The following PDHA1 variants were observed in gnomAD, a reference collection of about 807,000 sequenced individuals.
PDHA1 encodes the protein pyruvate dehydrogenase E1 subunit alpha 1.
A neutral mutation model predicts 33.0 loss-of-function variants in PDHA1; 1 was observed. The observed-to-expected ratio is 0.03, with a 90% confidence interval of 0.01 to 0.14. PDHA1 has a LOEUF of 0.14. Among genes scored for constraint, PDHA1 ranks in the 10% least tolerant of loss-of-function variants. The pLI is 1.00. For missense variants in PDHA1, 168 were observed against 325.1 expected (o/e 0.52, Z 3.72); for synonymous variants, 123 against 119.2 (o/e 1.03, Z -0.21).
intron 1 of PDHA1, among the ~76,000 whole-genome samples, 171 bp downstream of exon 1, chrX:19,344,265 C>T (rs1404121186): frequency 8.9e-6 from 1 of 112,758 alleles, no homozygotes; most frequent in African/African-American, 3.2e-5. Flanking sequence ...TCGGGAGAAG[C>T]GGCACGGACC....
In PDHA1 at chrX:19,355,701, A is replaced by G. The variant is rs1450663466; in HGVS notation, c.775A>G (p.Ile259Val). The change falls in exon 8 of 11, where the codon ATC becomes GTC. Residue 259 changes from isoleucine to valine, a missense_variant. By Grantham distance (29) the Ile-to-Val change is conservative (BLOSUM62 3). Transcript: ENST00000422285. ...TTATTACCAGGTGGATGGAATGGAT[A>G]TCCTGTGCGTCCGAGAGGCAACAAG... The part of the protein sequence containing the change: ...IPGLRVDGMD[I>V]LCVREATRFA... 8.3e-7 allele frequency: 1 copy of G among 1,208,834 alleles called. No individual in the cohort carries two copies. Among genetic ancestry groups the G allele is most frequent in the East Asian group, 3.0e-5 (1 of 33,846 alleles).
intron 8 of PDHA1, among the ~76,000 whole-genome samples, chrX:19,356,940 G>T (rs760190399): frequency 1.8e-5 from 2 of 111,806 alleles, no homozygotes; most frequent in African/African-American, 6.5e-5. Context: ...GAATGAGCGA[G>T]CCCAACTGTC....
chrX:19,353,420 T>A, intron 5 of PDHA1: 2 of 419,050 alleles, frequency 4.8e-6, no homozygotes, highest in Non-Finnish European at 8.4e-6. Flanking sequence ...TACACAAATA[T>A]TTTGCCTACA....
chrX:19,359,266 C>G (rs771904499), intron 10 of PDHA1, among the ~76,000 whole-genome samples: 6 of 111,759 alleles, frequency 5.4e-5, no homozygotes, highest in South Asian at 3.8e-4. Context: ...AGTGGCAAAG[C>G]CCCCACAGTA....
Position 19,359,912 on chromosome X carries a change from C to CA in PDHA1, c.*261dup. 7.9e-6 allele frequency: 3 copies of CA among 377,597 alleles called. No individual in the cohort carries two copies. The highest frequency in any genetic ancestry group is 7.8e-4 in the Middle Eastern group (1 of 1,290). The allele number at this position is 377,597 out of a possible 1,213,427, so 31.1% of individuals were successfully genotyped here. On this transcript the variant is annotated 3_prime_UTR_variant, in exon 11 of 11. Transcript: ENST00000422285. ...ATACTCTAATTATGAAAAGGAAGAA[C>CA]AATTCCTTGTATGCCTGTTTCCCCT...
intron 2 of PDHA1, among the ~76,000 whole-genome samples, chrX:19,349,627 A>G (rs2063153186): frequency 8.9e-6 from 1 of 112,219 alleles, no homozygotes; most frequent in African/African-American, 3.2e-5. Flanking sequence ...TTGGAATGTA[A>G]TTCAGTGAAA....
chrX:19,358,867 C>CTACTGGAACTGCTCT (rs1569193364), intron 9 of PDHA1, 49 bp from the exon 10 acceptor site: 1 of 709,879 alleles, frequency 1.4e-6, no homozygotes, highest in Non-Finnish European at 2.3e-6. Flanking sequence ...CGTCCTTGCT[C>CTACTGGAACTGCTCT]TACTGGAACT....
In PDHA1 at chrX:19,361,066, G is replaced by A; in HGVS notation, c.*1413G>A. The A allele has an allele frequency of 2.4e-6, 1 of 418,979 alleles. No homozygotes were observed. The highest frequency in any genetic ancestry group is 4.0e-5 in the South Asian group (1 of 25,277). 34.5% of individuals were successfully genotyped at this position (418,979 alleles called of 1,213,427 possible). On this transcript the variant is annotated 3_prime_UTR_variant, in exon 11 of 11. Transcript: ENST00000422285. ...GGCAGGCTGCAGTTTAAAGAAGGGG[G>A]TGGGTCCAGCGTGCAGGCACGCTTG...
At chrX:19,346,964 C>CT (rs200125144) in intron 1 of PDHA1, among the ~76,000 whole-genome samples, 1,111 of 110,431 alleles carry the variant, frequency 0.01, 16 homozygotes, top group African/African-American at 0.035. Flanking sequence ...TAAAGTTTTA[C>CT]TTTTTTTTAA....
Position 19,360,605 on chromosome X carries a change from A to G in PDHA1, c.*952A>G, listed in dbSNP as rs2063271339. ...GGTTTCAAAAGAAACTCAGGACAGT[A>G]TTTAAAACAAGTTCTTAAACTATTA... On this transcript the variant is annotated 3_prime_UTR_variant, in exon 11 of 11. Transcript: ENST00000422285. The G allele has an allele frequency of 2.1e-6, 1 of 468,694 alleles. No homozygotes were observed. Among genetic ancestry groups the G allele is most frequent in the Non-Finnish European group, 3.7e-6 (1 of 273,164 alleles). 38.6% of individuals were successfully genotyped at this position (468,694 alleles called of 1,213,427 possible). A position where few individuals can be genotyped will look rare whatever the true frequency, so the allele number is the denominator to read the frequency against.
In PDHA1 at chrX:19,359,813, C is replaced by T. The variant is rs1355585698; in HGVS notation, c.*160C>T. 3 of 505,335 alleles carry T rather than the reference C, an allele frequency of 5.9e-6. No homozygotes were observed. Among genetic ancestry groups the T allele is most frequent in the Non-Finnish European group, 1.0e-5 (3 of 286,309 alleles). The allele number at this position is 505,335 out of a possible 1,213,427, so 41.6% of individuals were successfully genotyped here. ...AGGTAGTAATTGCATGCAGTTTGTA[C>T]ATTAGTGCATTAAAAGATGAATTAT... On this transcript the variant is annotated 3_prime_UTR_variant, in exon 11 of 11. Transcript: ENST00000422285.
chrX:19,361,295 T>G lies in PDHA1; in HGVS notation c.*1642T>G. On this transcript the variant is annotated 3_prime_UTR_variant, in exon 11 of 11. Coordinates refer to ENST00000422285, the MANE Select transcript of PDHA1 (RefSeq NM_000284.4). ...TCTGCTCTTGAAGCATATTCACACA[T>G]AAAAAGTTGTATTCTCTTATACAAA... 1 of 1,057,504 alleles carries G rather than the reference T, an allele frequency of 9.5e-7. No individual in the cohort carries two copies. Among genetic ancestry groups the G allele is most frequent in the African/African-American group, 1.8e-5 (1 of 54,506 alleles). 87.2% of individuals were successfully genotyped at this position (1,057,504 alleles called of 1,213,427 possible). A position where few individuals can be genotyped will look rare whatever the true frequency, so the allele number is the denominator to read the frequency against.
intron 1 of PDHA1, 145 bp downstream of exon 1, chrX:19,344,239 C>T: frequency 2.0e-6 from 1 of 496,331 alleles, no homozygotes; most frequent in Non-Finnish European, 3.4e-6. Flanking sequence ...CCGCGCCCTG[C>T]ATTCCGTTCC....
chrX:19,354,377 G>C (rs1314965334), intron 5 of PDHA1, 114 bp from the exon 6 acceptor site: 1 of 551,722 alleles, frequency 1.8e-6, no homozygotes, highest in Non-Finnish European at 3.3e-6. Context: ...AGAGTTTGTA[G>C]CAGCAGTGTA....
At position 19,361,564 on chromosome X, in the gene PDHA1, C is replaced by T. The variant is rs368526609; in HGVS notation, c.*1911C>T. 8.3e-6 allele frequency: 10 copies of T among 1,210,161 alleles called. No homozygotes were observed. Among genetic ancestry groups the T allele is most frequent in the East Asian group, 3.0e-5 (1 of 33,841 alleles). ...ATAAGCTCTTTATCTGTTCTCTGCC[C>T]GTAGGGGCCTGCTGGGTTCTCTGTA... On this transcript the variant is annotated 3_prime_UTR_variant, in exon 11 of 11. Transcript: ENST00000422285.
chrX:19,345,745 T>TCTC (rs2063128114), intron 1 of PDHA1: 1 of 170,189 alleles, frequency 5.9e-6, no homozygotes, highest in African/African-American at 5.0e-5. Flanking sequence ...GTTTGCAGGG[T>TCTC]CCCCCCCCCC....
chrX:19,350,637 C>G (rs2063158076), intron 3 of PDHA1, among the ~76,000 whole-genome samples: 1 of 112,518 alleles, frequency 8.9e-6, no homozygotes, highest in Non-Finnish European at 1.9e-5. Context: ...AGAATTCATT[C>G]ACACATAACA....
At chrX:19,350,735 A>G (rs2063158641) in intron 3 of PDHA1, among the ~76,000 whole-genome samples, 1 of 112,144 alleles carries the variant, frequency 8.9e-6, no homozygotes, top group South Asian at 3.7e-4. Flanking sequence ...TAATTTGGAG[A>G]GAAAGGATTA....
intron 5 of PDHA1, among the ~76,000 whole-genome samples, chrX:19,353,676 T>G (rs2063177503): frequency 8.9e-6 from 1 of 111,842 alleles, no homozygotes; most frequent in Admixed American, 9.5e-5. Context: ...GTTTGAGAGA[T>G]GAGTAGATTT....
Sources: allele counts gnomAD v4.1 joint callset (sites outside exome capture counted in the v4.1 genomes callset), GRCh38; gene constraint gnomAD v4.1.1; transcripts MANE v1.5; gene names NCBI Gene and HGNC (gene_info 2026-07-23, HGNC 2026-07-21).